EPHA5: variants seen among roughly 807,000 people sequenced by gnomAD.
EPHA5 encodes EPH receptor A5.
Under a neutral mutation model 105.0 loss-of-function variants are expected in EPHA5, and 60 were observed. The observed-to-expected ratio is 0.57, with a 90% CI of 0.46 to 0.71. The LOEUF (loss-of-function observed/expected upper bound fraction) is 0.71. Among genes scored for constraint, EPHA5 ranks in the 30% least tolerant of loss-of-function variants. The pLI, the probability that EPHA5 is intolerant of heterozygous loss-of-function variation, is 0.00. For missense variants in EPHA5, 1,218 were observed against 1,274.7 expected (o/e 0.96, Z 0.68); for synonymous variants, 513 against 449.1 (o/e 1.14, Z -1.80).
At chr4:65,459,594 A>G (rs1727936966) in intron 5 of EPHA5, among the ~76,000 whole-genome samples, 1 of 151,802 alleles carries the variant, frequency 6.6e-6, no homozygotes, top group South Asian at 2.1e-4. Context: ...ATTACTGTCA[A>G]TTTTTCTTCT....
chr4:65,331,294 A>G (rs1720592488), intron 16 of EPHA5: 5 of 1,032,928 alleles, frequency 4.8e-6, no homozygotes, highest in Non-Finnish European at 4.7e-6. Context: ...ATATAATAAA[A>G]TACAAACAAC....
chr4:65,365,022 G>A lies in EPHA5; in HGVS notation c.2168C>T (p.Thr723Ile), dbSNP rs143201043. 9.3e-6 allele frequency: 15 copies of A among 1,609,534 alleles called. No individual in the cohort carries two copies. Among genetic ancestry groups the A allele is most frequent in the Non-Finnish European group, 1.2e-5 (14 of 1,177,232 alleles). The change falls in exon 11 of 17, where the codon ACC (threonine) becomes ATC (isoleucine). Residue 723 changes from threonine to isoleucine, a missense_variant. By Grantham distance (89) the Thr-to-Ile change is moderately conservative. This residue lies in a region of EPHA5 where 971 missense variants were observed against 1,013.5 expected (regional missense o/e 0.96). Transcript: ENST00000613740. ...PNIIHLEGVVTKSKPVMIVTE... is the reference protein window; with the variant it reads ...PNIIHLEGVVIKSKPVMIVTE... ...TAATTTGCCATCATACTTACTTTTG[G>A]TCACCACACCTTCTAAATGGATGAT... is the stretch of plus-strand genomic sequence containing the variant.
chr4:65,421,186 G>A (rs1360638077), intron 5 of EPHA5, among the ~76,000 whole-genome samples: 2 of 151,442 alleles, frequency 1.3e-5, no homozygotes, highest in Admixed American at 6.6e-5. Flanking sequence ...ATTTTATATC[G>A]GGTCTATGAA....
chr4:65,391,226 G>A (rs1720684839), intron 8 of EPHA5, among the ~76,000 whole-genome samples: 1 of 151,980 alleles, frequency 6.6e-6, no homozygotes. Flanking sequence ...GATGAGATTT[G>A]GGTGGGGACA....
At chr4:65,559,416 C>T (rs1008368836) in intron 3 of EPHA5, among the ~76,000 whole-genome samples, 1 of 152,160 alleles carries the variant, frequency 6.6e-6, no homozygotes, top group Non-Finnish European at 1.5e-5. Flanking sequence ...GCAGAGGACG[C>T]TCCCCATTCC....
intron 2 of EPHA5, among the ~76,000 whole-genome samples, chr4:65,606,397 G>C (rs920266762): frequency 6.6e-6 from 1 of 152,094 alleles, no homozygotes; most frequent in African/African-American, 2.4e-5. Flanking sequence ...TGAATAAATA[G>C]TTAAATGTTT....
At chr4:65,330,457 A>T (rs1376425) in intron 16 of EPHA5, 58,530 of 225,190 alleles carry the variant, frequency 0.26, 7,777 homozygotes, top group East Asian at 0.34. Flanking sequence ...TGCAAAAACT[A>T]TAATTTGTAA....
At chr4:65,558,357 C>T (rs1163609543) in intron 3 of EPHA5, among the ~76,000 whole-genome samples, 2 of 152,014 alleles carry the variant, frequency 1.3e-5, no homozygotes, top group African/African-American at 2.4e-5. Context: ...ACCTAAAATG[C>T]ATGCTGGAGT....
At chr4:65,612,992 G>C (rs1232943748) in intron 2 of EPHA5, among the ~76,000 whole-genome samples, 3 of 151,994 alleles carry the variant, frequency 2.0e-5, no homozygotes, top group Non-Finnish European at 2.9e-5. Flanking sequence ...TTTTGCTTAG[G>C]ATTTTATAGT....
At chr4:65,490,273 A>G in intron 5 of EPHA5, 104 bp downstream of exon 5, 1 of 1,132,514 alleles carries the variant, frequency 8.8e-7, no homozygotes, top group South Asian at 1.5e-5. Context: ...CTTCCGGTTG[A>G]GGGAAAATTC....
chr4:65,556,962 T>C (rs1215908679), intron 3 of EPHA5, among the ~76,000 whole-genome samples: 2 of 151,984 alleles, frequency 1.3e-5, no homozygotes, highest in Non-Finnish European at 2.9e-5. Flanking sequence ...TCACTTCCTC[T>C]GTCAAAATAT....
intron 2 of EPHA5, among the ~76,000 whole-genome samples, chr4:65,624,673 A>G (rs1245612386): frequency 6.6e-6 from 1 of 152,100 alleles, no homozygotes; most frequent in East Asian, 1.9e-4. Flanking sequence ...ATGTTACAAA[A>G]CTCTCTATTG....
intron 2 of EPHA5, among the ~76,000 whole-genome samples, chr4:65,613,382 A>G (rs564785710): frequency 3.3e-5 from 5 of 152,098 alleles, no homozygotes; most frequent in African/African-American, 1.2e-4. Flanking sequence ...CATATAAACT[A>G]TATAATTTTT....
intron 8 of EPHA5, among the ~76,000 whole-genome samples, chr4:65,394,072 C>A (rs17086161): frequency 0.066 from 9,978 of 152,052 alleles, 689 homozygotes; most frequent in African/African-American, 0.17. Flanking sequence ...TCAGGAATGA[C>A]CATGGAGTTG....
chr4:65,445,961 CATCTGGGCCACCACT>C (rs1726479851), intron 5 of EPHA5, among the ~76,000 whole-genome samples: 1 of 152,140 alleles, frequency 6.6e-6, no homozygotes, highest in African/African-American at 2.4e-5. Flanking sequence ...TCACCAGTGT[CATCTGGGCCACCACT>C]ATCTCTCCTG....
chr4:65,663,959 A>G (rs1749755878), intron 1 of EPHA5, among the ~76,000 whole-genome samples: 1 of 151,958 alleles, frequency 6.6e-6, no homozygotes. Flanking sequence ...TTACAAGAAC[A>G]TTTTGCATAT....
intron 5 of EPHA5, among the ~76,000 whole-genome samples, chr4:65,451,151 A>AT (rs1727027864): frequency 6.6e-6 from 1 of 152,118 alleles, no homozygotes; most frequent in South Asian, 2.1e-4. Context: ...TCACTTTTGG[A>AT]TAAGTAGCTT....
At chr4:65,505,265 T>A (rs2149248777) in intron 3 of EPHA5, among the ~76,000 whole-genome samples, 1 of 152,144 alleles carries the variant, frequency 6.6e-6, no homozygotes, top group East Asian at 1.9e-4. Context: ...TTCTTCTACT[T>A]CATAGAAAAA....
At chr4:65,424,470 T>A (rs1475444498) in intron 5 of EPHA5, among the ~76,000 whole-genome samples, 1 of 152,114 alleles carries the variant, frequency 6.6e-6, no homozygotes, top group African/African-American at 2.4e-5. Context: ...AACAATAATA[T>A]AAATTCATTT....
Sources: allele counts gnomAD v4.1 joint callset (sites outside exome capture counted in the v4.1 genomes callset), GRCh38; gene constraint gnomAD v4.1.1; regional missense constraint gnomAD v4.1.1; transcripts MANE v1.5; gene names NCBI Gene and HGNC (gene_info 2026-07-23, HGNC 2026-07-21).